TESC: variants seen among roughly 807,000 people sequenced by gnomAD.
The protein encoded by TESC is tescalcin, also known as calcineurin B homologous protein 3.
Under a neutral mutation model 31.0 loss-of-function variants are expected in TESC, and 19 were observed. The ratio of observed to expected loss-of-function variants is 0.61; its 90% CI spans 0.43 to 0.90. The LOEUF (loss-of-function observed/expected upper bound fraction) is 0.90, where lower values mean the gene tolerates loss of function less well. TESC is among the 40% of genes least tolerant of loss of function. TESC has a pLI of 0.00. For synonymous variants in TESC, 109 were observed against 114.8 expected, an observed-to-expected ratio of 0.95 and a Z score of 0.32; for missense variants, 248 against 303.8, an observed-to-expected ratio of 0.82 and a Z score of 1.36.
chr12:117,046,088 G>A (rs758661148), intron 6 of TESC, among the ~76,000 whole-genome samples: 3 of 152,128 alleles, frequency 2.0e-5, no homozygotes, highest in South Asian at 2.1e-4. Flanking sequence ...CCCCCACCTC[G>A]GCTCCTCCAC....
Position 117,056,795 on chromosome 12 carries a change from A to G in TESC, c.209+11T>C, listed in dbSNP as rs756703421. On this transcript the variant is annotated intron_variant, in intron 3 of 7. Transcript: ENST00000335209. ...GCCTGCCACTGGGCTGGTTCAGGGG[A>G]AAACGCCCACCTGTTGTCGAAGAAG... The G allele has an allele frequency of 7.0e-5, 113 of 1,613,718 alleles. No individual in the cohort carries two copies. Among genetic ancestry groups the G allele is most frequent in the Middle Eastern group, 1.6e-4 (1 of 6,084 alleles).
chr12:117,078,029 T>A (rs969844167), intron 1 of TESC, among the ~76,000 whole-genome samples: 4 of 152,312 alleles, frequency 2.6e-5, no homozygotes, highest in African/African-American at 9.6e-5. Context: ...TGAATAAAAA[T>A]TTTTTAAAAT....
chr12:117,046,621 A>C lies in TESC; in HGVS notation c.457T>G (p.Ser153Ala). ...LSGNPHIEKE[S>A]ARSIADGAMM... ...GCCCCGTCGGCGATGGAGCGAGCGG[A>C]CTCCTTCTCGATGTGAGGGTTTCCC... The change falls in exon 6 of 8, where the codon TCC (serine) becomes GCC (alanine). Residue 153 changes from serine to alanine, a missense_variant. Coordinates refer to ENST00000335209, the MANE Select transcript of TESC (RefSeq NM_017899.4). The C allele has an allele frequency of 6.4e-7, 1 of 1,551,334 alleles. No homozygotes were observed.
chr12:117,093,731 C>T (rs780997245), intron 1 of TESC, among the ~76,000 whole-genome samples: 6 of 152,090 alleles, frequency 3.9e-5, no homozygotes, highest in African/African-American at 9.7e-5. Flanking sequence ...GCCACGCGCC[C>T]GAGAAACATT....
chr12:117,072,917 A>G (rs553288066), intron 2 of TESC, among the ~76,000 whole-genome samples: 585 of 152,316 alleles, frequency 3.8e-3, no homozygotes, highest in African/African-American at 0.013. Context: ...AGCCAGAGCT[A>G]CATGTGTGCA....
At position 117,066,200 on chromosome 12, in the gene TESC, C is replaced by CTTTTTTTTTTTTTTTTTT. The variant is rs58829406; in HGVS notation, c.128+9053_128+9070dup. On this transcript the variant is annotated intron_variant, in intron 2 of 7. Coordinates refer to ENST00000335209, the MANE Select transcript of TESC (RefSeq NM_017899.4). ...TGTCTGCCCTGTTTCCTTCCTTTAG[C>CTTTTTTTTTTTTTTTTTT]TTTTTTTTTTTTTTTTTTTTTTTTG... Among the ~76,000 whole-genome samples, 44 of 62,978 alleles carry CTTTTTTTTTTTTTTTTTT rather than the reference C, an allele frequency of 7.0e-4. 7 individuals carry two copies. The highest frequency in any genetic ancestry group is 1.8e-3 in the African/African-American group (21 of 11,752). 41.3% of individuals were successfully genotyped at this position (62,978 alleles called of 152,430 possible).
intron 3 of TESC, among the ~76,000 whole-genome samples, chr12:117,050,009 A>C (rs1954624629): frequency 6.6e-6 from 1 of 151,790 alleles, no homozygotes. Flanking sequence ...GCTGGAGTTC[A>C]GTGGTGCAGC....
intron 1 of TESC, among the ~76,000 whole-genome samples, chr12:117,091,196 T>C (rs1955301460): frequency 6.6e-6 from 1 of 152,226 alleles, no homozygotes; most frequent in African/African-American, 2.4e-5. Flanking sequence ...ACAGGAAGGC[T>C]GGCAGGACCA....
chr12:117,049,288 G>T (rs1009708493), intron 3 of TESC, 130 bp from the exon 4 acceptor site: 12 of 1,330,586 alleles, frequency 9.0e-6, no homozygotes, highest in South Asian at 5.5e-5. Flanking sequence ...CTCGCCTTGC[G>T]TCTGTGCCCC....
chr12:117,094,958 G>C (rs1593030340), intron 1 of TESC, among the ~76,000 whole-genome samples: 1 of 150,184 alleles, frequency 6.7e-6, no homozygotes, highest in Non-Finnish European at 1.5e-5. Flanking sequence ...AGAGGTTTCA[G>C]TGAGCTGAGA....
intron 6 of TESC, among the ~76,000 whole-genome samples, chr12:117,044,244 T>C (rs1285166773): frequency 5.9e-5 from 9 of 151,682 alleles, no homozygotes; most frequent in Non-Finnish European, 1.0e-4. Flanking sequence ...TGCACTCCAG[T>C]TGGGGCGACA....
intron 1 of TESC, among the ~76,000 whole-genome samples, chr12:117,084,619 CAGGGT>C (rs369850848): frequency 1.5e-4 from 23 of 152,314 alleles, no homozygotes; most frequent in African/African-American, 5.3e-4. Flanking sequence ...GAGAGCCACA[CAGGGT>C]AGGGGGTCAA....
At chr12:117,070,622 G>C (rs141631738) in intron 2 of TESC, among the ~76,000 whole-genome samples, 1 of 152,086 alleles carries the variant, frequency 6.6e-6, no homozygotes, top group South Asian at 2.1e-4. Context: ...GGATCTTGGC[G>C]CTGGGTTCAA....
chr12:117,056,907 A>G, intron 2 of TESC, 21 bp from the exon 3 acceptor site: 2 of 1,612,396 alleles, frequency 1.2e-6, no homozygotes, highest in South Asian at 2.2e-5. Flanking sequence ...AGAAGGAGAG[A>G]TACCGGGAAG....
Position 117,049,903 on chromosome 12 carries a change from GAA to G in TESC, c.210-747_210-746del, listed in dbSNP as rs66797686. ...GTGACAGAGGGAGACCCTGTCTCAAGAAAAAAAAAAAAAAAAAAAAAGGAAGA... is the reference window on the plus strand; with the variant it reads ...GTGACAGAGGGAGACCCTGTCTCAAGAAAAAAAAAAAAAAAAAAAGGAAGA... On this transcript the variant is annotated intron_variant, in intron 3 of 7. Transcript: ENST00000335209. Among the ~76,000 whole-genome samples the G allele has an allele frequency of 9.7e-3, 842 of 86,450 alleles. 7 individuals carry two copies. The highest frequency in any genetic ancestry group is 0.029 in the African/African-American group (766 of 26,728). The allele number at this position is 86,450 out of a possible 152,430, so 56.7% of individuals were successfully genotyped here.
intron 3 of TESC, among the ~76,000 whole-genome samples, chr12:117,055,210 C>G (rs554598172): frequency 6.6e-6 from 1 of 152,150 alleles, no homozygotes; most frequent in African/African-American, 2.4e-5. Context: ...GGTGCAATCT[C>G]GACTTACTGC....
intron 7 of TESC, among the ~76,000 whole-genome samples, chr12:117,039,555 C>T (rs146989130): frequency 7.3e-6 from 1 of 136,626 alleles, no homozygotes; most frequent in East Asian, 1.9e-4. Context: ...TACATAACCC[C>T]ATTAAGTCCC....
chr12:117,041,500 G>A (rs542173422), intron 7 of TESC, among the ~76,000 whole-genome samples: 158 of 151,946 alleles, frequency 1.0e-3, no homozygotes, highest in South Asian at 4.4e-3. Context: ...GCTTGGCTAA[G>A]TTTTGTATTT....
intron 1 of TESC, among the ~76,000 whole-genome samples, chr12:117,092,306 C>T (rs927801790): frequency 6.6e-6 from 1 of 152,192 alleles, no homozygotes; most frequent in Non-Finnish European, 1.5e-5. Flanking sequence ...ACGCCATCCT[C>T]CAGGGTCCCG....
Sources: allele counts gnomAD v4.1 joint callset (sites outside exome capture counted in the v4.1 genomes callset), GRCh38; gene constraint gnomAD v4.1.1; transcripts MANE v1.5; gene names NCBI Gene and HGNC (gene_info 2026-07-23, HGNC 2026-07-21).